Variants in MADD observed in about 807,000 individuals in gnomAD.
The protein encoded by MADD is MAP kinase-activating death domain protein.
A neutral mutation model predicts 176.7 loss-of-function variants in MADD; 109 were observed. The ratio of observed to expected loss-of-function variants is 0.62; its 90% CI spans 0.53 to 0.72. MADD has a LOEUF of 0.72. Among genes scored for constraint, MADD ranks in the 30% least tolerant of loss-of-function variants. The pLI is 0.00. For missense variants in MADD, 1,914 were observed against 2,045.5 expected (o/e 0.94, Z 1.24); for synonymous variants, 771 against 771.3 (o/e 1.00, Z 0.01).
In MADD at chr11:47,278,995, G is replaced by A. The variant is rs942584620; in HGVS notation, c.1210-4G>A. ...TCACGTCTTTTATCATTTCTCTGGT[G>A]CAGGTGATTGCCCCCACCAATGCAG... On this transcript the variant is annotated splice_polypyrimidine_tract_variant and splice_region_variant and intron_variant, in intron 6 of 32. Coordinates refer to ENST00000402192, the Ensembl canonical transcript of MADD. 1.2e-6 allele frequency: 2 copies of A among 1,613,536 alleles called. No individual in the cohort carries two copies. The highest frequency in any genetic ancestry group is 3.3e-5 in the Admixed American group (2 of 60,002).
chr11:47,316,534 G>A (rs2093057790), intron 27 of MADD, among the ~76,000 whole-genome samples: 1 of 151,310 alleles, frequency 6.6e-6, no homozygotes, highest in African/African-American at 2.4e-5. Flanking sequence ...GATTACAGGC[G>A]CCCACCACCG....
chr11:47,277,683 A>G (rs2051594093), intron 5 of MADD, among the ~76,000 whole-genome samples: 1 of 152,188 alleles, frequency 6.6e-6, no homozygotes, highest in African/African-American at 2.4e-5. Flanking sequence ...ATTAAGTAAA[A>G]TAAGGGTTAC....
In MADD at chr11:47,279,151, T is replaced by G; in HGVS notation, c.1290+72T>G. Reference sequence around the variant, plus strand: ...GATTCCTATAAGAAGACAGCTATTCTCAGAGCCAATTTCCTATCAAACTTC... The same window carrying G: ...GATTCCTATAAGAAGACAGCTATTCGCAGAGCCAATTTCCTATCAAACTTC... On this transcript the variant is annotated intron_variant, in intron 7 of 32. Coordinates refer to ENST00000402192, the Ensembl canonical transcript of MADD. 2.1e-6 allele frequency: 3 copies of G among 1,420,354 alleles called. No homozygotes were observed. The Admixed American group carries it at 5.6e-5, about 26-fold the overall frequency. The allele number at this position is 1,420,354 out of a possible 1,614,324, so 88.0% of individuals were successfully genotyped here. A position where few individuals can be genotyped will look rare whatever the true frequency, so the allele number is the denominator to read the frequency against.
chr11:47,283,001 A>G (rs1239215409), intron 10 of MADD, 32 bp downstream of exon 10: 1 of 1,603,068 alleles, frequency 6.2e-7, no homozygotes, highest in Admixed American at 1.7e-5. Flanking sequence ...AAAAGGTTTT[A>G]AAGGTGAGGA....
At chr11:47,299,477 T>C (rs1055560543) in intron 22 of MADD, among the ~76,000 whole-genome samples, 1 of 152,008 alleles carries the variant, frequency 6.6e-6, no homozygotes, top group Non-Finnish European at 1.5e-5. Context: ...TTTCTGCTAT[T>C]TTATTGTTGG....
intron 22 of MADD, among the ~76,000 whole-genome samples, chr11:47,297,478 G>A (rs1336634106): frequency 1.3e-5 from 2 of 148,670 alleles, no homozygotes; most frequent in Admixed American, 6.8e-5. Context: ...ATGGAGTCTC[G>A]CTGTGTCACC....
At chr11:47,327,180 G>A in intron 31 of MADD, 7 of 1,015,748 alleles carry the variant, frequency 6.9e-6, no homozygotes, top group Non-Finnish European at 8.3e-6. Context: ...AATCTCTCTA[G>A]CAGCCCAGTG....
chr11:47,278,847 ATG>A, intron 6 of MADD, 150 bp from the exon 7 acceptor site: 1 of 559,992 alleles, frequency 1.8e-6, no homozygotes. Context: ...TATGTCATAT[ATG>A]TGTGTACATA....
In MADD at chr11:47,290,140, T is replaced by A; in HGVS notation, c.2944-9T>A. On this transcript the variant is annotated splice_polypyrimidine_tract_variant and intron_variant, in intron 17 of 32. Transcript: ENST00000402192. ...TTTGCCAACGCTAGCCCCTGGGTTATTGTTGCAGGAGATCAGTCGGAAGGT... is the reference window on the plus strand; with the variant it reads ...TTTGCCAACGCTAGCCCCTGGGTTAATGTTGCAGGAGATCAGTCGGAAGGT... The A allele has an allele frequency of 6.2e-7, 1 of 1,613,714 alleles. No homozygotes were observed.
At chr11:47,292,646 C>T in intron 19 of MADD, 50 bp downstream of exon 21, 1 of 1,584,872 alleles carries the variant, frequency 6.3e-7, no homozygotes. Context: ...TACCTGCCAA[C>T]TCCCCAGGCC....
chr11:47,321,495 C>T (rs1211605096), intron 27 of MADD, among the ~76,000 whole-genome samples: 1 of 151,582 alleles, frequency 6.6e-6, no homozygotes, highest in African/African-American at 2.4e-5. Context: ...GTGAATAAGA[C>T]AGACGTGATT....
exon 7 of MADD, chr11:47,279,028 G>C: frequency 6.2e-7 from 1 of 1,614,014 alleles, no homozygotes; most frequent in Non-Finnish European, 8.5e-7. Context: ...CAGAAGTGCT[G>C]CCTATCCTGC....
rs983746814 is a variant in MADD, at chr11:47,325,213, C to T, written c.4542+636C>T. On this transcript the variant is annotated intron_variant, in intron 30 of 32. Transcript: ENST00000402192. This position sits in a 1 kb window ranked among gnomAD's most constrained non-coding sequence, Gnocchi z 4.5. The stretch of plus-strand genomic sequence containing the variant: ...GATACATCTTTCCCTCATTGTAATT[C>T]CACCATAGGAGCTGACTTTTTTTTT... 2 of 160,064 alleles carry T rather than the reference C, an allele frequency of 1.2e-5. No individual in the cohort carries two copies. The highest frequency in any genetic ancestry group is 1.9e-4 in the East Asian group (1 of 5,316). The allele number at this position is 160,064 out of a possible 1,614,324, so 9.9% of individuals were successfully genotyped here.
At chr11:47,272,947 A>G (rs554678531) in intron 1 of MADD, among the ~76,000 whole-genome samples, 1 of 152,288 alleles carries the variant, frequency 6.6e-6, no homozygotes, top group South Asian at 2.1e-4. Flanking sequence ...TTCTTGCCTG[A>G]AGGAGGGAGA....
At chr11:47,329,189 C>T in exon 33 of MADD, 1 of 1,469,248 alleles carries the variant, frequency 6.8e-7, no homozygotes, top group Non-Finnish European at 9.5e-7. Context: ...CCAGGGCACG[C>T]CCCTGGCCCC....
intron 19 of MADD, among the ~76,000 whole-genome samples, chr11:47,292,014 C>T (rs904459586): frequency 6.6e-6 from 1 of 152,154 alleles, no homozygotes; most frequent in East Asian, 1.9e-4. Context: ...AGGAGGGATG[C>T]TAACTGCCTG....
At chr11:47,323,584 C>T (rs2094918577) in intron 27 of MADD, 87 bp from the exon 31 acceptor site, 1 of 1,450,846 alleles carries the variant, frequency 6.9e-7, no homozygotes, top group Non-Finnish European at 9.5e-7. Flanking sequence ...ATGGGGATGC[C>T]CCAGGACCAC....
chr11:47,278,897 TATA>T (rs947240802), intron 6 of MADD, 99 bp from the exon 7 acceptor site: 76 of 889,464 alleles, frequency 8.5e-5, no homozygotes, highest in African/African-American at 1.3e-4. Context: ...TATTCGTTTA[TATA>T]ATAATAATGT....
intron 19 of MADD, chr11:47,292,560 C>G: frequency 1.2e-6 from 2 of 1,613,956 alleles, no homozygotes; most frequent in Non-Finnish European, 1.7e-6. Flanking sequence ...GAACAAGCAC[C>G]AGGAAGTGAA....
Sources: gnomAD v4.1 joint callset for allele counts (sites outside exome capture counted in the v4.1 genomes callset) on GRCh38, gnomAD v4.1.1 for gene constraint, Gnocchi (gnomAD v3.1) non-coding constraint, MANE v1.5 for transcripts, NCBI Gene and HGNC (gene_info 2026-07-23, HGNC 2026-07-21) for gene names.